The following ATRNL1 variants were observed in gnomAD, a reference collection of about 807,000 sequenced individuals.
The protein encoded by ATRNL1 is attractin-like protein 1.
Under a neutral mutation model 182.7 loss-of-function variants are expected in ATRNL1, and 95 were observed. That is an observed-to-expected ratio of 0.52 (90% CI 0.44 to 0.62). The LOEUF is 0.62. Among genes scored for constraint, ATRNL1 ranks in the 20% least tolerant of loss-of-function variants. ATRNL1 has a pLI of 0.00. For synonymous variants in ATRNL1, 576 were observed against 568.3 expected, an observed-to-expected ratio of 1.01 and a Z score of -0.19; for missense variants, 1,471 against 1,679.5, an observed-to-expected ratio of 0.88 and a Z score of 2.17.
At chr10:115,375,588 A>G (rs1333846835) in intron 19 of ATRNL1, among the ~76,000 whole-genome samples, 1 of 151,880 alleles carries the variant, frequency 6.6e-6, no homozygotes, top group Non-Finnish European at 1.5e-5. Flanking sequence ...GTATTTTTAT[A>G]GTGGTATGCT....
chr10:115,571,923 A>C (rs1592871258), intron 26 of ATRNL1, among the ~76,000 whole-genome samples: 1 of 152,026 alleles, frequency 6.6e-6, no homozygotes, highest in East Asian at 1.9e-4. Flanking sequence ...TGTTTTCCTT[A>C]AGTAGGTTTT....
intron 20 of ATRNL1, among the ~76,000 whole-genome samples, chr10:115,419,149 A>C (rs184561446): frequency 6.6e-6 from 1 of 152,344 alleles, no homozygotes; most frequent in East Asian, 1.9e-4. Context: ...ATAATGAGTT[A>C]AAATGTACCA....
intron 8 of ATRNL1, among the ~76,000 whole-genome samples, chr10:115,198,459 G>A (rs782480843): frequency 1.8e-4 from 27 of 151,974 alleles, no homozygotes; most frequent in Non-Finnish European, 3.5e-4. Context: ...CCATTTCATA[G>A]GTTATATCTT....
At chr10:115,791,057 A>G (rs944620544) in intron 27 of ATRNL1, among the ~76,000 whole-genome samples, 1 of 152,206 alleles carries the variant, frequency 6.6e-6, no homozygotes, top group Non-Finnish European at 1.5e-5. Context: ...TTGGAAGAAT[A>G]TATTATACAT....
At position 115,300,039 on chromosome 10, in the gene ATRNL1, A is replaced by G; in HGVS notation, c.2421A>G (p.Val807=). Residue 807 remains valine, a synonymous_variant, in exon 16 of 29, where the codon GTA becomes GTG. Coordinates refer to ENST00000355044, the MANE Select transcript of ATRNL1 (RefSeq NM_207303.4). ...CCTTTTCCTGTTGTTTACAGAAAGT[A>G]TCACCTTGGGTAGGCTTGCGCAAGA... ...DEIQKYTQQK[V]SPWVGLRKIN... is the part of the protein sequence containing the mutation. The G allele has an allele frequency of 1.2e-6, 2 of 1,609,190 alleles. No individual in the cohort carries two copies. Among genetic ancestry groups the G allele is most frequent in the Non-Finnish European group, 1.7e-6 (2 of 1,176,420 alleles).
chr10:115,436,356 T>C (rs12259439), intron 21 of ATRNL1, among the ~76,000 whole-genome samples: 1,992 of 152,236 alleles, frequency 0.013, 38 homozygotes, highest in African/African-American at 0.046. Context: ...GCATTGGTGA[T>C]AATCATCCAT....
chr10:115,761,678 T>C (rs1948737565), intron 27 of ATRNL1, among the ~76,000 whole-genome samples: 1 of 152,138 alleles, frequency 6.6e-6, no homozygotes, highest in African/African-American at 2.4e-5. Flanking sequence ...GTTTTGTGAG[T>C]GGTGTGTTAG....
At chr10:115,881,949 A>C (rs1247808093) in intron 28 of ATRNL1, among the ~76,000 whole-genome samples, 2 of 152,100 alleles carry the variant, frequency 1.3e-5, no homozygotes, top group East Asian at 3.9e-4. Flanking sequence ...CTAAATGCAT[A>C]CCACCTATCC....
intron 28 of ATRNL1, among the ~76,000 whole-genome samples, chr10:115,924,963 A>G (rs1555119654): frequency 6.6e-6 from 1 of 152,116 alleles, no homozygotes; most frequent in Non-Finnish European, 1.5e-5. Context: ...GATCCCTCAC[A>G]TCCCTTGTTA....
chr10:115,551,276 A>G (rs1206867512), intron 26 of ATRNL1, among the ~76,000 whole-genome samples: 2 of 151,660 alleles, frequency 1.3e-5, no homozygotes, highest in Non-Finnish European at 3.0e-5. Flanking sequence ...CAGTGTAGTA[A>G]TGCTGTTTAT....
intron 20 of ATRNL1, among the ~76,000 whole-genome samples, chr10:115,401,908 A>G (rs1844581940): frequency 1.3e-5 from 2 of 152,138 alleles, no homozygotes; most frequent in Non-Finnish European, 2.9e-5. Context: ...GACAGGAATA[A>G]TATGATAATT....
At chr10:115,440,776 G>GA (rs534464217) in intron 21 of ATRNL1, among the ~76,000 whole-genome samples, 12 of 150,036 alleles carry the variant, frequency 8.0e-5, no homozygotes, top group South Asian at 2.1e-4. Context: ...TTGCTGGGGG[G>GA]AAAAAAAAAT....
intron 8 of ATRNL1, among the ~76,000 whole-genome samples, chr10:115,183,369 A>T (rs1205660450): frequency 6.6e-6 from 1 of 151,524 alleles, no homozygotes; most frequent in Non-Finnish European, 1.5e-5. Flanking sequence ...TATAACTAGG[A>T]GGAGAATAAA....
At chr10:115,392,558 T>A (rs1305308283) in intron 19 of ATRNL1, among the ~76,000 whole-genome samples, 1 of 152,164 alleles carries the variant, frequency 6.6e-6, no homozygotes, top group African/African-American at 2.4e-5. Flanking sequence ...TTTTCCTCCT[T>A]TCCTGGCTCA....
intron 25 of ATRNL1, among the ~76,000 whole-genome samples, chr10:115,534,406 A>G (rs369630927): frequency 7.0e-3 from 1,042 of 149,062 alleles, no homozygotes; most frequent in East Asian, 0.057. Context: ...AGTCTGTTTT[A>G]TCAGAGACTA....
At chr10:115,127,857 G>C (rs912463509) in intron 4 of ATRNL1, 136 bp downstream of exon 4, 22 of 548,120 alleles carry the variant, frequency 4.0e-5, no homozygotes, top group South Asian at 1.2e-4. Context: ...TAGTAGGCAG[G>C]ATCCCTTCTT....
chr10:115,430,900 A>T (rs544464623), intron 21 of ATRNL1, among the ~76,000 whole-genome samples: 15 of 152,250 alleles, frequency 9.9e-5, no homozygotes, highest in African/African-American at 3.6e-4. Flanking sequence ...CAGAACAAAA[A>T]ATCATGTGGC....
At chr10:115,510,115 A>T (rs1850315159) in intron 24 of ATRNL1, among the ~76,000 whole-genome samples, 1 of 152,058 alleles carries the variant, frequency 6.6e-6, no homozygotes, top group Admixed American at 6.6e-5. Flanking sequence ...TAATGATAAA[A>T]CTTTATTAAT....
intron 28 of ATRNL1, among the ~76,000 whole-genome samples, chr10:115,864,890 G>C (rs1259523966): frequency 6.6e-6 from 1 of 151,968 alleles, no homozygotes; most frequent in East Asian, 1.9e-4. Context: ...GCTGAGGCAG[G>C]AGAATGGCGT....
Sources: gnomAD v4.1 joint callset for allele counts (sites outside exome capture counted in the v4.1 genomes callset) on GRCh38, gnomAD v4.1.1 for gene constraint, MANE v1.5 for transcripts, NCBI Gene and HGNC (gene_info 2026-07-23, HGNC 2026-07-21) for gene names.